The following KSR1 variants were observed in gnomAD, a reference collection of about 807,000 sequenced individuals.
KSR1 encodes kinase suppressor of ras.
In KSR1, 35 loss-of-function variants were observed where a neutral mutation model predicts 92.9. The ratio of observed to expected loss-of-function variants is 0.38; its 90% CI spans 0.29 to 0.50. The LOEUF (loss-of-function observed/expected upper bound fraction) is 0.50, where lower values mean the gene tolerates loss of function less well. Among genes scored for constraint, KSR1 ranks in the 20% least tolerant of loss-of-function variants. The pLI, the probability that KSR1 is intolerant of heterozygous loss-of-function variation, is 0.94. For synonymous variants in KSR1, 467 were observed against 472.6 expected (o/e 0.99, Z 0.15); for missense variants, 972 against 1,158.5 (o/e 0.84, Z 2.34).
intron 1 of KSR1, among the ~76,000 whole-genome samples, chr17:27,505,368 TTC>T (rs1199344311): frequency 6.6e-6 from 1 of 152,216 alleles, no homozygotes; most frequent in East Asian, 1.9e-4. Context: ...ACTCTGCCCC[TTC>T]TCTGTCCTCA....
In KSR1 at chr17:27,588,461, C is replaced by G; in HGVS notation, c.986-14C>G. ...GAGTTCCTCAGCCTGCCCATCCGGC[C>G]TCTTTCCCTGCAGATCTCTCGCATG... is the stretch of plus-strand genomic sequence containing the variant. On this transcript the variant is annotated splice_polypyrimidine_tract_variant and intron_variant, in intron 5 of 20. Transcript: ENST00000644974. 6.4e-7 allele frequency: 1 copy of G among 1,568,802 alleles called. No homozygotes were observed. Among genetic ancestry groups the G allele is most frequent in the South Asian group, 1.2e-5 (1 of 83,448 alleles).
intron 1 of KSR1, among the ~76,000 whole-genome samples, chr17:27,515,615 T>G (rs1055799867): frequency 4.0e-5 from 6 of 151,112 alleles, no homozygotes; most frequent in Non-Finnish European, 7.4e-5. Flanking sequence ...TTCGTAGTTT[T>G]TTTTTTTTTT....
intron 1 of KSR1, among the ~76,000 whole-genome samples, chr17:27,496,941 A>T (rs931831325): frequency 1.3e-5 from 2 of 152,208 alleles, no homozygotes; most frequent in African/African-American, 4.8e-5. Flanking sequence ...GCTTTCATCA[A>T]TTGCACTCAG....
intron 1 of KSR1, among the ~76,000 whole-genome samples, chr17:27,484,270 C>G (rs985666357): frequency 6.6e-6 from 1 of 152,200 alleles, no homozygotes; most frequent in Non-Finnish European, 1.5e-5. Context: ...CTCGCTCTGT[C>G]GCCCAGGCTG....
intron 1 of KSR1, among the ~76,000 whole-genome samples, chr17:27,509,430 A>G (rs1355800809): frequency 6.6e-6 from 1 of 152,024 alleles, no homozygotes; most frequent in Non-Finnish European, 1.5e-5. Context: ...AGCTGGGACT[A>G]CAGGCACCTG....
intron 1 of KSR1, among the ~76,000 whole-genome samples, chr17:27,529,032 G>A: frequency 6.6e-6 from 1 of 152,108 alleles, no homozygotes; most frequent in East Asian, 1.9e-4. Context: ...TTATAAAAAT[G>A]ACACCCGTTC....
At chr17:27,571,393 G>A (rs78050891) in intron 2 of KSR1, among the ~76,000 whole-genome samples, 1 of 152,200 alleles carries the variant, frequency 6.6e-6, no homozygotes, top group Non-Finnish European at 1.5e-5. Context: ...ACATCTGTCA[G>A]GTGCTCCCTT....
chr17:27,489,160 G>A (rs950665221), intron 1 of KSR1, among the ~76,000 whole-genome samples: 7 of 152,208 alleles, frequency 4.6e-5, no homozygotes, highest in Non-Finnish European at 1.0e-4. Flanking sequence ...CTCTCTGGAA[G>A]CCCCTGGGGG....
rs781026534 is a variant in KSR1 at position 27,601,944 on chromosome 17, A to G, written c.1510+543A>G. ...TGCCTCCTTATTGCAGAAAGTTTAA[A>G]GGAAAACGCTTTCAGTAAGTCAATA... On this transcript the variant is annotated intron_variant, in intron 11 of 20. Coordinates refer to ENST00000644974, the MANE Select transcript of KSR1 (RefSeq NM_001394583.1). 5.0e-6 allele frequency: 8 copies of G among 1,606,294 alleles called. No homozygotes were observed. In the African/African-American group the frequency reaches 1.1e-4, roughly 21 times the overall value.
intron 7 of KSR1, among the ~76,000 whole-genome samples, chr17:27,591,388 T>C (rs751545036): frequency 2.0e-5 from 3 of 152,224 alleles, no homozygotes; most frequent in Non-Finnish European, 2.9e-5. Flanking sequence ...AGGCAGAGTG[T>C]GTCCCCTGCT....
rs772879118 is a variant in KSR1, at chr17:27,597,391, C to G, written c.1423C>G (p.Pro475Ala). Residue 475 changes from proline to alanine, a missense_variant, in exon 10 of 21, where the codon CCC becomes GCC. Pro to Ala is a conservative substitution (Grantham distance 27). Transcript: ENST00000644974. ...CAACCCATCCAGCGCCACCACGCCC[C>G]CCAACCCCTCACCTGGCCAGCGGGA... is the stretch of plus-strand genomic sequence containing the variant. ...SSNPSSATTP[P>A]NPSPGQRDSR... The G allele has an allele frequency of 2.5e-5, 41 of 1,613,090 alleles. No homozygotes were observed. The South Asian group carries it at 4.3e-4, about 17-fold the overall frequency.
chr17:27,531,317 C>T (rs752529013), intron 1 of KSR1, among the ~76,000 whole-genome samples: 80 of 152,240 alleles, frequency 5.3e-4, no homozygotes, highest in African/African-American at 1.8e-3. Context: ...CACTGCAGGG[C>T]GGCCCCCTTC....
At chr17:27,591,562 A>G (rs767611163) in intron 7 of KSR1, among the ~76,000 whole-genome samples, 6 of 152,146 alleles carry the variant, frequency 3.9e-5, no homozygotes, top group African/African-American at 1.4e-4. Flanking sequence ...CTGAGCTAGT[A>G]TGTGTGATTG....
chr17:27,527,656 A>G (rs2070367797), intron 1 of KSR1, among the ~76,000 whole-genome samples: 1 of 152,102 alleles, frequency 6.6e-6, no homozygotes, highest in African/African-American at 2.4e-5. Flanking sequence ...TGGCCTCGCA[A>G]AGTGCTGGGA....
rs557957963 is a variant in KSR1 at position 27,497,417 on chromosome 17, T to G, written c.231+40543T>G. Among the ~76,000 whole-genome samples, 17 of 152,356 alleles carry G rather than the reference T, an allele frequency of 1.1e-4. 1 individual carries two copies. Among genetic ancestry groups the G allele is most frequent in the African/African-American group, 4.1e-4 (17 of 41,590 alleles). On this transcript the variant is annotated intron_variant, in intron 1 of 20. Coordinates refer to ENST00000644974, the MANE Select transcript of KSR1 (RefSeq NM_001394583.1). The stretch of plus-strand genomic sequence containing the variant: ...TGGTGCCCAGATGTGGCTGCATTAA[T>G]TACTGTAAACCCCATAATGAAGAAG...
chr17:27,521,821 A>G (rs1236179812), intron 1 of KSR1, among the ~76,000 whole-genome samples: 1 of 152,192 alleles, frequency 6.6e-6, no homozygotes, highest in Middle Eastern at 3.2e-3. Context: ...TGCCCTGTTA[A>G]TCCACACTCT....
intron 2 of KSR1, among the ~76,000 whole-genome samples, chr17:27,567,054 T>G (rs555801645): frequency 6.6e-6 from 1 of 152,338 alleles, no homozygotes; most frequent in African/African-American, 2.4e-5. Flanking sequence ...TTAAGGTGTG[T>G]AACTTAATCT....
intron 13 of KSR1, 45 bp from the exon 14 acceptor site, chr17:27,605,389 G>C (rs2073714702): frequency 3.2e-6 from 5 of 1,581,790 alleles, no homozygotes; most frequent in Non-Finnish European, 4.3e-6. Context: ...ACGTCGCAGA[G>C]CCCAGATCTG....
At chr17:27,555,355 G>C (rs2071551319) in intron 2 of KSR1, among the ~76,000 whole-genome samples, 1 of 152,176 alleles carries the variant, frequency 6.6e-6, no homozygotes, top group African/African-American at 2.4e-5. Flanking sequence ...ATTTATATCA[G>C]TATAGGCTCA....
Sources: allele counts gnomAD v4.1 joint callset (sites outside exome capture counted in the v4.1 genomes callset), GRCh38; gene constraint gnomAD v4.1.1; transcripts MANE v1.5; gene names NCBI Gene and HGNC (gene_info 2026-07-23, HGNC 2026-07-21).